The following ASIC2 variants were observed in gnomAD, a reference collection of about 807,000 sequenced individuals.
The protein encoded by ASIC2 is acid sensing ion channel subunit 2.
In ASIC2, 25 loss-of-function variants were observed where a neutral mutation model predicts 57.3. The observed-to-expected ratio is 0.44, with a 90% CI of 0.32 to 0.61. The LOEUF is 0.61. Among genes scored for constraint, ASIC2 ranks in the 20% least tolerant of loss-of-function variants. The pLI, the probability that ASIC2 is intolerant of heterozygous loss-of-function variation, is 0.06. For synonymous variants in ASIC2, 319 were observed against 307.5 expected (o/e 1.04, Z -0.39); for missense variants, 641 against 738.1 (o/e 0.87, Z 1.52).
intron 1 of ASIC2, among the ~76,000 whole-genome samples, chr17:33,691,677 A>G (rs1269190931): frequency 6.6e-6 from 1 of 152,124 alleles, no homozygotes; most frequent in Non-Finnish European, 1.5e-5. Flanking sequence ...GACTTTGTTC[A>G]TGGTGGGGTT....
chr17:33,211,557 A>G (rs1455974593), intron 1 of ASIC2, among the ~76,000 whole-genome samples: 4 of 151,470 alleles, frequency 2.6e-5, no homozygotes, highest in Admixed American at 2.0e-4. Flanking sequence ...AAAAAAATCA[A>G]AGTGAAGATC....
At position 33,680,472 on chromosome 17, in the gene ASIC2, C is replaced by T. The variant is rs528999521; in HGVS notation, c.555+475506G>A. ...TCCCCAGGGAGGAGCAGAGGGCAGC[C>T]ACTGGAACAAGCTACAGCTACAAAA... On this transcript the variant is annotated intron_variant, in intron 1 of 9. Transcript: ENST00000359872. 2.6e-5 allele frequency: 4 copies of T among 152,354 alleles called. No individual in the cohort carries two copies. The East Asian group carries it at 7.7e-4, about 29-fold the overall frequency. 9.4% of individuals were successfully genotyped at this position (152,354 alleles called of 1,614,324 possible).
chr17:34,030,381 C>T (rs1907550900), intron 1 of ASIC2, among the ~76,000 whole-genome samples: 1 of 152,166 alleles, frequency 6.6e-6, no homozygotes. Context: ...GAGGAGAAGC[C>T]AAGATGGCTG....
At chr17:34,032,614 A>T (rs1907666874) in intron 1 of ASIC2, among the ~76,000 whole-genome samples, 1 of 152,182 alleles carries the variant, frequency 6.6e-6, no homozygotes, top group Non-Finnish European at 1.5e-5. Flanking sequence ...TATTCAGGAA[A>T]CCCATCTCAC....
At chr17:33,107,491 G>A (rs1015956953) in intron 2 of ASIC2, among the ~76,000 whole-genome samples, 3 of 152,074 alleles carry the variant, frequency 2.0e-5, no homozygotes, top group Admixed American at 1.3e-4. Context: ...TGTTCCATAG[G>A]GCTCGTTTTG....
At chr17:33,511,072 C>G (rs1199218535) in intron 1 of ASIC2, among the ~76,000 whole-genome samples, 2 of 152,324 alleles carry the variant, frequency 1.3e-5, no homozygotes, top group African/African-American at 4.8e-5. Context: ...CTACTGCACC[C>G]TTTTGGAGAT....
chr17:33,047,553 TG>T (rs2091960380), intron 3 of ASIC2, among the ~76,000 whole-genome samples: 1 of 152,182 alleles, frequency 6.6e-6, no homozygotes, highest in South Asian at 2.1e-4. Flanking sequence ...TTGCTCAGGC[TG>T]GTCTCGAATT....
At chr17:33,078,595 G>A (rs1044996552) in intron 3 of ASIC2, among the ~76,000 whole-genome samples, 1 of 152,126 alleles carries the variant, frequency 6.6e-6, no homozygotes, top group African/African-American at 2.4e-5. Flanking sequence ...ACAAATAATA[G>A]CTCTTTTAGT....
intron 1 of ASIC2, among the ~76,000 whole-genome samples, chr17:33,549,266 G>T (rs1053229122): frequency 6.6e-6 from 1 of 152,154 alleles, no homozygotes; most frequent in African/African-American, 2.4e-5. Flanking sequence ...AGAACCAAAA[G>T]AGACATAAAG....
intron 3 of ASIC2, among the ~76,000 whole-genome samples, chr17:33,034,234 T>C (rs760675570): frequency 1.3e-5 from 2 of 152,202 alleles, no homozygotes; most frequent in Non-Finnish European, 2.9e-5. Context: ...TCATTCTTCC[T>C]GGATGCAGGA....
intron 1 of ASIC2, among the ~76,000 whole-genome samples, chr17:33,164,862 C>T (rs1771211838): frequency 6.6e-6 from 1 of 152,134 alleles, no homozygotes; most frequent in Non-Finnish European, 1.5e-5. Flanking sequence ...GTCACTTGGC[C>T]ATACCTTCTC....
intron 1 of ASIC2, among the ~76,000 whole-genome samples, chr17:33,349,080 A>C (rs911120076): frequency 6.6e-6 from 1 of 152,192 alleles, no homozygotes; most frequent in African/African-American, 2.4e-5. Flanking sequence ...TATGGACCAC[A>C]CTTTGAGTAG....
intron 1 of ASIC2, among the ~76,000 whole-genome samples, chr17:33,751,797 G>C (rs1361879656): frequency 6.6e-6 from 1 of 152,008 alleles, no homozygotes; most frequent in Non-Finnish European, 1.5e-5. Flanking sequence ...AGGGTCAGGG[G>C]AGCTGCAACA....
At chr17:33,770,436 CTTG>C (rs1176311749) in intron 1 of ASIC2, among the ~76,000 whole-genome samples, 2 of 152,160 alleles carry the variant, frequency 1.3e-5, no homozygotes, top group Non-Finnish European at 2.9e-5. Context: ...TTAATGTAGG[CTTG>C]TTGTTTTTGT....
At chr17:33,837,582 C>T (rs2141905505) in intron 1 of ASIC2, among the ~76,000 whole-genome samples, 1 of 152,308 alleles carries the variant, frequency 6.6e-6, no homozygotes, top group East Asian at 1.9e-4. Flanking sequence ...CACTCTCTTT[C>T]CTTTCTCCTA....
chr17:33,378,409 A>G (rs1350921757), intron 1 of ASIC2, among the ~76,000 whole-genome samples: 1 of 152,136 alleles, frequency 6.6e-6, no homozygotes, highest in East Asian at 1.9e-4. Context: ...TCAGAGGGCT[A>G]GCAGCTGCAG....
At position 33,747,116 on chromosome 17, in the gene ASIC2, G is replaced by C. The variant is rs150752194; in HGVS notation, c.555+408862C>G. On this transcript the variant is annotated intron_variant, in intron 1 of 9. Coordinates refer to the ASIC2 transcript ENST00000359872. ...CTGTAGGTCACATGAATCTATGATT[G>C]TGAATGTACTTTGTAGATTGTCTTA... 3.9e-5 allele frequency among the ~76,000 whole-genome samples: 6 copies of C among 151,926 alleles called. 1 individual carries two copies. In the East Asian group the frequency reaches 1.2e-3, roughly 30 times the overall value.
chr17:33,862,330 A>G (rs1914121932), intron 1 of ASIC2, among the ~76,000 whole-genome samples: 1 of 152,226 alleles, frequency 6.6e-6, no homozygotes, highest in South Asian at 2.1e-4. Context: ...TCACAAAATC[A>G]TCGTAGATAT....
Position 33,871,811 on chromosome 17 carries a change from G to A in ASIC2, c.555+284167C>T, listed in dbSNP as rs149639184. ...AACAGTCTCTGGATGATGAGCTGGC[G>A]GCAGACAGGCAGCACTGGGCGCTGA... On this transcript the variant is annotated intron_variant, in intron 1 of 9. Transcript: ENST00000359872. Among the ~76,000 whole-genome samples, 210 of 152,240 alleles carry A rather than the reference G, an allele frequency of 1.4e-3. 2 individuals carry two copies. Among genetic ancestry groups the A allele is most frequent in the African/African-American group, 4.9e-3 (204 of 41,548 alleles).
Sources: allele counts gnomAD v4.1 joint callset (sites outside exome capture counted in the v4.1 genomes callset), GRCh38; gene constraint gnomAD v4.1.1; transcripts MANE v1.5; gene names NCBI Gene and HGNC (gene_info 2026-07-23, HGNC 2026-07-21).